DTWD2: variants seen among roughly 807,000 people sequenced by gnomAD.
The protein encoded by DTWD2 is tRNA-uridine aminocarboxypropyltransferase 2.
In DTWD2, 39 loss-of-function variants were observed where a neutral mutation model predicts 31.8. The ratio of observed to expected loss-of-function variants is 1.22; its 90% CI spans 0.95 to 1.60. The LOEUF is 1.60. Ranked by LOEUF, DTWD2 falls within the 40% of genes most tolerant of loss-of-function variation. The pLI, the probability that DTWD2 is intolerant of heterozygous loss-of-function variation, is 0.00. For missense variants in DTWD2, 515 were observed against 381.5 expected (o/e 1.35, Z -2.92); for synonymous variants, 180 against 142.8 (o/e 1.26, Z -1.86).
intron 4 of DTWD2, among the ~76,000 whole-genome samples, chr5:118,893,663 C>G (rs945174963): frequency 1.3e-5 from 2 of 151,376 alleles, no homozygotes; most frequent in Non-Finnish European, 2.9e-5. Flanking sequence ...TCCTTAAAAC[C>G]CTTCCCAGAA....
At chr5:118,843,285 G>A (rs1751765430) in intron 5 of DTWD2, among the ~76,000 whole-genome samples, 1 of 150,598 alleles carries the variant, frequency 6.6e-6, no homozygotes, top group Non-Finnish European at 1.5e-5. Flanking sequence ...AGAAAGAAAA[G>A]GAAGGAAGGG....
chr5:118,852,441 T>C (rs754133871), intron 4 of DTWD2, among the ~76,000 whole-genome samples: 24 of 152,312 alleles, frequency 1.6e-4, no homozygotes, highest in South Asian at 6.2e-4. Flanking sequence ...TCACAATTTA[T>C]GTTCCTGTGC....
intron 4 of DTWD2, among the ~76,000 whole-genome samples, chr5:118,887,293 C>T (rs1483824263): frequency 9.2e-5 from 14 of 152,250 alleles, no homozygotes; most frequent in Non-Finnish European, 1.5e-5. Context: ...TAGTCCATGG[C>T]TCTATAGAGT....
intron 2 of DTWD2, among the ~76,000 whole-genome samples, chr5:118,941,591 A>G (rs1225538812): frequency 1.6e-4 from 25 of 152,124 alleles, no homozygotes; most frequent in Middle Eastern, 3.2e-3. Context: ...TTGGACATTT[A>G]GGTTGGTTCC....
intron 4 of DTWD2, 50 bp from the exon 5 acceptor site, chr5:118,848,268 T>C (rs748094175): frequency 6.6e-7 from 1 of 1,505,190 alleles, no homozygotes; most frequent in African/African-American, 1.4e-5. Flanking sequence ...AATTTAAAAT[T>C]ATAAAGTTTG....
At chr5:118,848,815 C>T (rs1751928609) in intron 4 of DTWD2, among the ~76,000 whole-genome samples, 1 of 152,152 alleles carries the variant, frequency 6.6e-6, no homozygotes, top group Non-Finnish European at 1.5e-5. Flanking sequence ...GGAAAACTGG[C>T]TAGCCATACA....
intron 4 of DTWD2, among the ~76,000 whole-genome samples, chr5:118,854,573 G>A (rs1752087967): frequency 6.6e-6 from 1 of 151,528 alleles, no homozygotes; most frequent in Non-Finnish European, 1.5e-5. Context: ...AGTCATATAA[G>A]AAAAGTGGAT....
At chr5:118,872,265 T>G (rs1752522631) in intron 4 of DTWD2, among the ~76,000 whole-genome samples, 1 of 152,262 alleles carries the variant, frequency 6.6e-6, no homozygotes, top group East Asian at 1.9e-4. Flanking sequence ...CATTTATGTG[T>G]TCACTGGAGT....
At chr5:118,854,774 T>C (rs1298794562) in intron 4 of DTWD2, among the ~76,000 whole-genome samples, 6 of 152,190 alleles carry the variant, frequency 3.9e-5, no homozygotes, top group African/African-American at 1.2e-4. Context: ...TCATTATCAA[T>C]TACATCATTC....
intron 4 of DTWD2, among the ~76,000 whole-genome samples, chr5:118,891,558 T>C (rs1752977883): frequency 1.3e-5 from 2 of 152,318 alleles, no homozygotes; most frequent in South Asian, 4.1e-4. Context: ...CTCTGAATAA[T>C]GTACTCCTCT....
chr5:118,949,005 C>A (rs781584447), intron 1 of DTWD2, among the ~76,000 whole-genome samples: 1 of 152,002 alleles, frequency 6.6e-6, no homozygotes, highest in Admixed American at 6.6e-5. Flanking sequence ...AGGGAGAGAA[C>A]GTGTGTTTTT....
At chr5:118,928,825 G>T in intron 3 of DTWD2, 96 bp from the exon 4 acceptor site, 1 of 1,002,120 alleles carries the variant, frequency 1.0e-6, no homozygotes, top group Non-Finnish European at 1.4e-6. Flanking sequence ...TTCCCTATAT[G>T]TAGTCATTTG....
chr5:118,898,201 T>C (rs546092295), intron 4 of DTWD2, among the ~76,000 whole-genome samples: 10 of 152,284 alleles, frequency 6.6e-5, no homozygotes, highest in Admixed American at 5.9e-4. Flanking sequence ...TTTATATTGG[T>C]ACATTTGAAG....
chr5:118,843,355 GAGGAAGGGAGGAAGGGAGGA>G (rs1255840179), intron 5 of DTWD2, among the ~76,000 whole-genome samples: 1 of 106,238 alleles, frequency 9.4e-6, no homozygotes, highest in Non-Finnish European at 1.8e-5. Flanking sequence ...GGCAGGGAGG[GAGGAAGGGAGGAAGGGAGGA>G]AGGAAGGAGA....
At chr5:118,876,844 TGAG>T (rs1480771591) in intron 4 of DTWD2, among the ~76,000 whole-genome samples, 2 of 152,204 alleles carry the variant, frequency 1.3e-5, no homozygotes, top group East Asian at 1.9e-4. Context: ...TCCAAAAGAT[TGAG>T]GAGGAGGGAC....
chr5:118,866,053 G>A (rs1050277676), intron 4 of DTWD2, among the ~76,000 whole-genome samples: 9 of 151,984 alleles, frequency 5.9e-5, no homozygotes, highest in Middle Eastern at 3.4e-3. Flanking sequence ...TTCTGGGAAG[G>A]AGAGTAACTG....
At chr5:118,923,343 A>T (rs928934252) in intron 4 of DTWD2, among the ~76,000 whole-genome samples, 2 of 152,212 alleles carry the variant, frequency 1.3e-5, no homozygotes, top group South Asian at 4.1e-4. Flanking sequence ...TACTAACATT[A>T]AAGTGTTAGT....
intron 4 of DTWD2, among the ~76,000 whole-genome samples, chr5:118,851,390 G>C (rs1474230114): frequency 6.6e-6 from 1 of 151,898 alleles, no homozygotes; most frequent in Non-Finnish European, 1.5e-5. Flanking sequence ...ATCACATATC[G>C]GTAGGACCGT....
At chr5:118,911,771 C>T (rs1476766967) in intron 4 of DTWD2, among the ~76,000 whole-genome samples, 1 of 152,148 alleles carries the variant, frequency 6.6e-6, no homozygotes, top group Non-Finnish European at 1.5e-5. Context: ...CAAATAATAT[C>T]AACAGGACCC....
Sources: gnomAD v4.1 joint callset for allele counts (sites outside exome capture counted in the v4.1 genomes callset) on GRCh38, gnomAD v4.1.1 for gene constraint, MANE v1.5 for transcripts, NCBI Gene and HGNC (gene_info 2026-07-23, HGNC 2026-07-21) for gene names.